The following WWC1 variants were observed in gnomAD, a reference collection of about 807,000 sequenced individuals.
WWC1 encodes the protein protein KIBRA.
WWC1 carries 55 observed loss-of-function variants against 138.4 expected under a neutral mutation model. The observed-to-expected ratio is 0.40, with a 90% CI of 0.32 to 0.50. The LOEUF is 0.50. Ranked by LOEUF, WWC1 falls within the 20% of genes least tolerant of loss-of-function variation. The pLI is 0.72. For synonymous variants in WWC1, 524 were observed against 564.9 expected (o/e 0.93, Z 1.03); for missense variants, 1,226 against 1,420.4 (o/e 0.86, Z 2.20).
At chr5:168,357,133 C>T (rs1349050140) in intron 1 of WWC1, among the ~76,000 whole-genome samples, 1 of 151,994 alleles carries the variant, frequency 6.6e-6, no homozygotes, top group Non-Finnish European at 1.5e-5. Context: ...AAGTAGAGGG[C>T]CTAGCTGTGA....
At chr5:168,383,101 C>T (rs1207701961) in intron 2 of WWC1, among the ~76,000 whole-genome samples, 1 of 150,822 alleles carries the variant, frequency 6.6e-6, no homozygotes. Flanking sequence ...TACTGGAACC[C>T]AGGAGGCAGA....
intron 2 of WWC1, among the ~76,000 whole-genome samples, chr5:168,380,509 A>G (rs573001849): frequency 9.2e-5 from 14 of 151,838 alleles, no homozygotes; most frequent in Middle Eastern, 3.4e-3. Flanking sequence ...TAAAATGAGG[A>G]AAAAAATAAC....
At chr5:168,429,782 A>G (rs1781800042) in intron 13 of WWC1, among the ~76,000 whole-genome samples, 1 of 152,036 alleles carries the variant, frequency 6.6e-6, no homozygotes, top group South Asian at 2.1e-4. Context: ...AAAAATACAC[A>G]AAATTAGCTG....
chr5:168,323,054 T>C (rs936975923), intron 1 of WWC1, among the ~76,000 whole-genome samples: 4 of 152,238 alleles, frequency 2.6e-5, no homozygotes, highest in Non-Finnish European at 5.9e-5. Flanking sequence ...AAAAAATTTC[T>C]TCGTTTCTTT....
At chr5:168,427,451 G>A (rs757270172) in intron 11 of WWC1, among the ~76,000 whole-genome samples, 3 of 151,876 alleles carry the variant, frequency 2.0e-5, no homozygotes, top group Non-Finnish European at 2.9e-5. Context: ...TGGTGGAGCC[G>A]GATTTGAATC....
chr5:168,433,392 C>T (rs1167910932), intron 15 of WWC1, among the ~76,000 whole-genome samples: 1 of 152,228 alleles, frequency 6.6e-6, no homozygotes, highest in Non-Finnish European at 1.5e-5. Flanking sequence ...GCAGTTTGTG[C>T]TCACTGGATA....
At chr5:168,359,954 T>C (rs976423509) in intron 1 of WWC1, among the ~76,000 whole-genome samples, 2 of 152,114 alleles carry the variant, frequency 1.3e-5, no homozygotes, top group African/African-American at 4.8e-5. Context: ...AGCTTAAGAG[T>C]CCTGCTTTGG....
intron 8 of WWC1, among the ~76,000 whole-genome samples, chr5:168,410,807 G>A (rs1780169799): frequency 6.6e-6 from 1 of 152,030 alleles, no homozygotes; most frequent in African/African-American, 2.4e-5. Flanking sequence ...TATAGCACAG[G>A]GTCTATCTTA....
intron 17 of WWC1, among the ~76,000 whole-genome samples, chr5:168,451,369 T>A (rs965182519): frequency 7.9e-5 from 12 of 152,098 alleles, no homozygotes; most frequent in Non-Finnish European, 4.4e-5. Context: ...ACACTTCACC[T>A]GGGAAGATGG....
intron 5 of WWC1, 93 bp downstream of exon 5, chr5:168,399,660 C>G: frequency 8.0e-7 from 1 of 1,244,886 alleles, no homozygotes; most frequent in Non-Finnish European, 1.1e-6. Flanking sequence ...AGTCCCTTTC[C>G]TCCCTTCTCA....
intron 15 of WWC1, among the ~76,000 whole-genome samples, chr5:168,440,848 A>G (rs1754683983): frequency 6.6e-6 from 1 of 152,162 alleles, no homozygotes; most frequent in Non-Finnish European, 1.5e-5. Context: ...TTACTTGTAC[A>G]CTCATGTTCA....
intron 8 of WWC1, among the ~76,000 whole-genome samples, chr5:168,411,382 G>A (rs1780224497): frequency 6.6e-6 from 1 of 152,208 alleles, no homozygotes; most frequent in Admixed American, 6.5e-5. Flanking sequence ...GTGAAGCATG[G>A]CAGTGCCCAG....
At chr5:168,322,013 T>A (rs942716536) in intron 1 of WWC1, among the ~76,000 whole-genome samples, 1 of 152,198 alleles carries the variant, frequency 6.6e-6, no homozygotes, top group Non-Finnish European at 1.5e-5. Context: ...CTGGAAATAT[T>A]TGAGATCCTC....
At chr5:168,348,101 C>T (rs140802153) in intron 1 of WWC1, among the ~76,000 whole-genome samples, 11 of 152,324 alleles carry the variant, frequency 7.2e-5, no homozygotes, top group East Asian at 5.8e-4. Context: ...CCTTTATTCC[C>T]GAGATGGGTG....
intron 1 of WWC1, among the ~76,000 whole-genome samples, chr5:168,359,073 C>T (rs1011170850): frequency 2.3e-5 from 3 of 132,710 alleles, no homozygotes; most frequent in Non-Finnish European, 3.1e-5. Flanking sequence ...TGTGTGTGTT[C>T]GAGACAGACT....
intron 1 of WWC1, among the ~76,000 whole-genome samples, chr5:168,367,032 G>A (rs1156595746): frequency 2.6e-5 from 4 of 151,610 alleles, no homozygotes; most frequent in African/African-American, 4.8e-5. Flanking sequence ...TCCTGACCTC[G>A]GGTGATCCAC....
chr5:168,330,549 C>T (rs75542344), intron 1 of WWC1, among the ~76,000 whole-genome samples: 5,021 of 152,248 alleles, frequency 0.033, 271 homozygotes, highest in African/African-American at 0.11. Flanking sequence ...TCTATGCACC[C>T]ACCATGTATG....
At chr5:168,338,601 G>A (rs769698173) in intron 1 of WWC1, among the ~76,000 whole-genome samples, 2 of 151,870 alleles carry the variant, frequency 1.3e-5, no homozygotes, top group African/African-American at 2.4e-5. Flanking sequence ...TAGTAGAGAC[G>A]GGGGTTTCTC....
At chr5:168,313,743 CT>C (rs928795338) in intron 1 of WWC1, among the ~76,000 whole-genome samples, 1 of 151,794 alleles carries the variant, frequency 6.6e-6, no homozygotes, top group African/African-American at 2.4e-5. Context: ...TTCTTTTTTT[CT>C]TTTGTGGCTG....
Sources: allele counts gnomAD v4.1 joint callset (sites outside exome capture counted in the v4.1 genomes callset), GRCh38; gene constraint gnomAD v4.1.1; transcripts MANE v1.5; gene names NCBI Gene and HGNC (gene_info 2026-07-23, HGNC 2026-07-21).